The following MELK variants were observed in gnomAD, a reference collection of about 807,000 sequenced individuals.
The protein encoded by MELK is pEg3 kinase.
A neutral mutation model predicts 85.0 loss-of-function variants in MELK; 81 were observed. The observed-to-expected ratio is 0.95, with a 90% CI of 0.80 to 1.15. The LOEUF is 1.15. MELK is among the 50% of genes most tolerant of loss of function. MELK has a pLI of 0.00. For synonymous variants in MELK, 252 were observed against 265.0 expected, an observed-to-expected ratio of 0.95 and a Z score of 0.48; for missense variants, 754 against 777.5, an observed-to-expected ratio of 0.97 and a Z score of 0.36.
chr9:36,617,079 A>G (rs1314493806), intron 8 of MELK, among the ~76,000 whole-genome samples: 1 of 152,188 alleles, frequency 6.6e-6, no homozygotes, highest in Admixed American at 6.5e-5. Context: ...TAAATCTGTA[A>G]GAAAATTTCT....
At chr9:36,586,807 TTTAG>T (rs1330008795) in intron 3 of MELK, among the ~76,000 whole-genome samples, 3 of 152,308 alleles carry the variant, frequency 2.0e-5, no homozygotes, top group Middle Eastern at 3.4e-3. Flanking sequence ...TTATGCTCAT[TTTAG>T]TTATTTTCTA....
At chr9:36,656,065 G>T (rs116646555) in intron 12 of MELK, among the ~76,000 whole-genome samples, 327 of 152,076 alleles carry the variant, frequency 2.2e-3, no homozygotes, top group African/African-American at 7.5e-3. Flanking sequence ...TTGAATTCAG[G>T]GTATAATTAG....
chr9:36,657,647 G>A (rs1335230647), intron 13 of MELK, among the ~76,000 whole-genome samples: 2 of 152,168 alleles, frequency 1.3e-5, no homozygotes, highest in African/African-American at 2.4e-5. Context: ...CTGGAGTGCA[G>A]TGGCACGATC....
intron 6 of MELK, 120 bp downstream of exon 6, chr9:36,597,410 T>C (rs1824409586): frequency 1.1e-6 from 1 of 899,474 alleles, no homozygotes; most frequent in Non-Finnish European, 1.7e-6. Context: ...TTGAGAAGAA[T>C]GTTAAATTTC....
At chr9:36,605,685 C>T (rs146205367) in intron 7 of MELK, among the ~76,000 whole-genome samples, 1 of 150,670 alleles carries the variant, frequency 6.6e-6, no homozygotes, top group East Asian at 1.9e-4. Context: ...ATAGTAGAGT[C>T]CTAATAATTT....
At chr9:36,659,282 C>A (rs554911120) in intron 13 of MELK, among the ~76,000 whole-genome samples, 1 of 152,268 alleles carries the variant, frequency 6.6e-6, no homozygotes, top group South Asian at 2.1e-4. Context: ...TCCCAAAGTG[C>A]TGGGATTACA....
intron 1 of MELK, among the ~76,000 whole-genome samples, chr9:36,580,242 A>G (rs968139304): frequency 6.6e-6 from 1 of 151,640 alleles, no homozygotes; most frequent in East Asian, 1.9e-4. Flanking sequence ...GTTAGCCACA[A>G]TGGTCTCCAT....
intron 10 of MELK, among the ~76,000 whole-genome samples, chr9:36,642,764 G>C (rs1178090234): frequency 6.6e-6 from 1 of 152,072 alleles, no homozygotes; most frequent in Non-Finnish European, 1.5e-5. Context: ...TTGCTCAGAT[G>C]ATGATGGGGA....
intron 1 of MELK, among the ~76,000 whole-genome samples, chr9:36,573,887 TG>T (rs1405360868): frequency 6.6e-6 from 1 of 151,172 alleles, no homozygotes; most frequent in Non-Finnish European, 1.5e-5. Context: ...GGTGTAGGGT[TG>T]TGGGAGCTGG....
intron 13 of MELK, 63 bp downstream of exon 13, chr9:36,657,426 C>T (rs1831364742): frequency 1.3e-6 from 2 of 1,510,428 alleles, no homozygotes; most frequent in Non-Finnish European, 1.8e-6. Flanking sequence ...AACAACCAGA[C>T]TAATGTGAAA....
intron 10 of MELK, among the ~76,000 whole-genome samples, chr9:36,641,765 G>A (rs973343533): frequency 2.6e-5 from 4 of 151,780 alleles, no homozygotes; most frequent in Non-Finnish European, 5.9e-5. Flanking sequence ...GCACCACCAC[G>A]CCTGGCTAAT....
rs758460677 is a variant in MELK at position 36,665,475 on chromosome 9, G to A, written c.1302G>A (p.Lys434=). ...TATATACTCCTAAGTCTGCTGTAAA[G>A]AATGAAGAGTACTTTATGTTTCCTG... ...ENVYTPKSAV[K]NEEYFMFPEP... The change falls in exon 14 of 18, where the codon AAG becomes AAA. Residue 434 remains lysine (K), a synonymous_variant. Coordinates refer to ENST00000298048, the MANE Select transcript of MELK (RefSeq NM_014791.4). 6.2e-7 allele frequency: 1 copy of A among 1,613,630 alleles called. No homozygotes were observed. Among genetic ancestry groups the A allele is most frequent in the South Asian group, 1.1e-5 (1 of 91,066 alleles).
intron 1 of MELK, among the ~76,000 whole-genome samples, chr9:36,577,612 G>C (rs576067223): frequency 1.6e-3 from 243 of 151,822 alleles, no homozygotes; most frequent in African/African-American, 5.4e-3. Flanking sequence ...GATTACAGGC[G>C]TGAGCCACTG....
intron 6 of MELK, among the ~76,000 whole-genome samples, chr9:36,597,516 T>G (rs770892726): frequency 8.5e-5 from 13 of 152,206 alleles, no homozygotes; most frequent in Non-Finnish European, 1.9e-4. Flanking sequence ...TTGGTCCTGC[T>G]GAAGACTCCA....
At chr9:36,595,339 T>C (rs187561671) in intron 5 of MELK, among the ~76,000 whole-genome samples, 1 of 152,180 alleles carries the variant, frequency 6.6e-6, no homozygotes, top group Non-Finnish European at 1.5e-5. Flanking sequence ...GGTTTCACTG[T>C]GTTAGCCAGG....
chr9:36,641,915 T>A (rs1482258037), intron 10 of MELK, among the ~76,000 whole-genome samples: 4 of 151,624 alleles, frequency 2.6e-5, no homozygotes, highest in Non-Finnish European at 4.4e-5. Flanking sequence ...CCTAAGAGAG[T>A]TATGTTGGAA....
intron 10 of MELK, among the ~76,000 whole-genome samples, chr9:36,636,199 T>G (rs1829123106): frequency 6.6e-6 from 1 of 152,062 alleles, no homozygotes; most frequent in South Asian, 2.1e-4. Flanking sequence ...ACCCTGAAAT[T>G]TAGTGGCTTA....
chr9:36,639,529 C>G (rs920557592), intron 10 of MELK, among the ~76,000 whole-genome samples: 1 of 152,138 alleles, frequency 6.6e-6, no homozygotes, highest in East Asian at 1.9e-4. Flanking sequence ...TCTGCCCTGG[C>G]GAACAGGAAA....
chr9:36,598,887 A>G (rs1824592184), intron 6 of MELK, among the ~76,000 whole-genome samples: 1 of 152,228 alleles, frequency 6.6e-6, no homozygotes, highest in Non-Finnish European at 1.5e-5. Context: ...GGGAATCCAG[A>G]GAAGCAGAGA....
Sources: allele counts gnomAD v4.1 joint callset (sites outside exome capture counted in the v4.1 genomes callset), GRCh38; gene constraint gnomAD v4.1.1; transcripts MANE v1.5; gene names NCBI Gene and HGNC (gene_info 2026-07-23, HGNC 2026-07-21).